The following TMEM117 variants were observed in gnomAD, a reference collection of about 807,000 sequenced individuals.
TMEM117 encodes the protein transmembrane protein 117.
Under a neutral mutation model 52.4 loss-of-function variants are expected in TMEM117, and 27 were observed. That is an observed-to-expected ratio of 0.51 (90% CI 0.38 to 0.71). The LOEUF (loss-of-function observed/expected upper bound fraction) is 0.71, where lower values mean the gene tolerates loss of function less well. Ranked by LOEUF, TMEM117 falls within the 30% of genes least tolerant of loss-of-function variation. TMEM117 has a pLI of 0.00. For missense variants in TMEM117, 556 were observed against 630.5 expected (o/e 0.88, Z 1.26); for synonymous variants, 215 against 206.3 (o/e 1.04, Z -0.36).
intron 3 of TMEM117, among the ~76,000 whole-genome samples, chr12:44,130,447 T>C (rs75529906): frequency 0.021 from 3,200 of 152,302 alleles, 99 homozygotes; most frequent in African/African-American, 0.06. Flanking sequence ...TTACCACTTA[T>C]ACAACTTCTC....
intron 6 of TMEM117, among the ~76,000 whole-genome samples, chr12:44,324,029 G>T (rs1384281377): frequency 6.6e-6 from 1 of 151,820 alleles, no homozygotes; most frequent in Non-Finnish European, 1.5e-5. Context: ...ACCTCATTTT[G>T]ACATCATTTC....
intron 4 of TMEM117, among the ~76,000 whole-genome samples, chr12:44,145,183 C>A (rs748344097): frequency 2.0e-5 from 3 of 152,208 alleles, no homozygotes; most frequent in African/African-American, 2.4e-5. Flanking sequence ...AGAAAAATTT[C>A]TTTTTTCCAT....
intron 6 of TMEM117, among the ~76,000 whole-genome samples, chr12:44,346,371 A>G (rs1951487085): frequency 6.6e-6 from 1 of 152,074 alleles, no homozygotes; most frequent in African/African-American, 2.4e-5. Context: ...AATCAGATAA[A>G]TGTGGTTTTT....
chr12:43,861,462 A>G (rs2137397686), intron 2 of TMEM117, among the ~76,000 whole-genome samples: 1 of 152,328 alleles, frequency 6.6e-6, no homozygotes, highest in South Asian at 2.1e-4. Context: ...TAAACAGATT[A>G]CTGAACTCTA....
chr12:44,258,114 T>C (rs547863147), intron 5 of TMEM117, among the ~76,000 whole-genome samples: 2 of 152,252 alleles, frequency 1.3e-5, no homozygotes, highest in African/African-American at 4.8e-5. Flanking sequence ...TATCTTGGCT[T>C]AGCTTTGAAT....
chr12:44,190,507 A>G (rs1565572464), intron 4 of TMEM117, among the ~76,000 whole-genome samples: 1 of 152,088 alleles, frequency 6.6e-6, no homozygotes, highest in Non-Finnish European at 1.5e-5. Flanking sequence ...TGTAGTTGCT[A>G]CAGAAAGAGA....
chr12:44,270,143 G>A (rs1175577813), intron 5 of TMEM117, among the ~76,000 whole-genome samples: 3 of 152,032 alleles, frequency 2.0e-5, no homozygotes, highest in African/African-American at 7.2e-5. Flanking sequence ...CAGTGTCTAA[G>A]AGCTTTGGTG....
the TMEM117 span, among the ~76,000 whole-genome samples, chr12:43,808,712 A>C: frequency 6.8e-6 from 1 of 146,554 alleles, no homozygotes; most frequent in Admixed American, 6.9e-5. Context: ...CAGGAGGCTG[A>C]TGTGGGAGGA....
At chr12:44,265,440 A>G (rs1950366363) in intron 5 of TMEM117, among the ~76,000 whole-genome samples, 1 of 152,190 alleles carries the variant, frequency 6.6e-6, no homozygotes, top group South Asian at 2.1e-4. Context: ...AGCATGTATC[A>G]TAGAGAGGCA....
chr12:44,272,114 C>A (rs956961553), intron 5 of TMEM117, among the ~76,000 whole-genome samples: 4 of 152,026 alleles, frequency 2.6e-5, no homozygotes, highest in Non-Finnish European at 4.4e-5. Context: ...AAAAGTGGAA[C>A]CTTATTCACT....
chr12:43,838,599 T>C (rs2137340082), intron 1 of TMEM117, among the ~76,000 whole-genome samples: 1 of 147,132 alleles, frequency 6.8e-6, no homozygotes, highest in South Asian at 2.3e-4. Context: ...ATACATCTGT[T>C]TATTCATTTA....
chr12:44,296,205 C>T (rs1950766817), intron 5 of TMEM117, among the ~76,000 whole-genome samples: 1 of 152,154 alleles, frequency 6.6e-6, no homozygotes, highest in African/African-American at 2.4e-5. Flanking sequence ...GATGGTAGGC[C>T]TATTACCAGG....
chr12:43,802,451 A>G, the TMEM117 span: 1 of 1,601,042 alleles, frequency 6.2e-7, no homozygotes, highest in East Asian at 2.3e-5. Context: ...TATATGATCC[A>G]ATCACAAGTT....
chr12:44,177,274 C>A (rs1283320684), intron 4 of TMEM117, among the ~76,000 whole-genome samples: 4 of 152,172 alleles, frequency 2.6e-5, no homozygotes, highest in Non-Finnish European at 4.4e-5. Context: ...ATGTGCTGGG[C>A]AAAATATTAT....
At chr12:44,165,423 A>C (rs1948952954) in intron 4 of TMEM117, among the ~76,000 whole-genome samples, 1 of 152,232 alleles carries the variant, frequency 6.6e-6, no homozygotes, top group African/African-American at 2.4e-5. Flanking sequence ...TAAACGATAT[A>C]GATTGGCTGA....
chr12:44,280,322 T>C (rs1476000148), intron 5 of TMEM117, among the ~76,000 whole-genome samples: 2 of 152,204 alleles, frequency 1.3e-5, no homozygotes, highest in Non-Finnish European at 2.9e-5. Context: ...GAGTTAATTG[T>C]TTCACAGTTC....
chr12:44,181,831 A>G (rs983860293), intron 4 of TMEM117, among the ~76,000 whole-genome samples: 4 of 151,282 alleles, frequency 2.6e-5, no homozygotes, highest in Admixed American at 6.6e-5. Context: ...TGACTTGGCG[A>G]TGCGGGCTCT....
At chr12:44,378,192 G>T (rs1951969193) in intron 7 of TMEM117, among the ~76,000 whole-genome samples, 1 of 151,744 alleles carries the variant, frequency 6.6e-6, no homozygotes, top group Non-Finnish European at 1.5e-5. Flanking sequence ...CTGACTATAA[G>T]AATGCCTTGT....
intron 6 of TMEM117, among the ~76,000 whole-genome samples, chr12:44,342,442 A>G (rs768497603): frequency 1.3e-5 from 2 of 152,088 alleles, no homozygotes; most frequent in Non-Finnish European, 2.9e-5. Flanking sequence ...CAGACCACCA[A>G]GTCCTGAAAG....
Sources: allele counts gnomAD v4.1 joint callset (sites outside exome capture counted in the v4.1 genomes callset), GRCh38; gene constraint gnomAD v4.1.1; transcripts MANE v1.5; gene names NCBI Gene and HGNC (gene_info 2026-07-23, HGNC 2026-07-21).